Variants in SLC17A5 observed in about 807,000 individuals in gnomAD.
The protein encoded by SLC17A5 is solute carrier family 17 member 5.
A neutral mutation model predicts 59.4 loss-of-function variants in SLC17A5; 47 were observed. The ratio of observed to expected loss-of-function variants is 0.79; its 90% CI spans 0.63 to 1.01. The LOEUF (loss-of-function observed/expected upper bound fraction) is 1.01, where lower values mean the gene tolerates loss of function less well. SLC17A5 is among the 50% of genes least tolerant of loss of function. The pLI is 0.00. For synonymous variants in SLC17A5, 202 were observed against 210.7 expected, an observed-to-expected ratio of 0.96 and a Z score of 0.36; for missense variants, 522 against 595.5, an observed-to-expected ratio of 0.88 and a Z score of 1.28.
At chr6:73,597,977 A>G (rs917425227) in intron 10 of SLC17A5, among the ~76,000 whole-genome samples, 1 of 152,196 alleles carries the variant, frequency 6.6e-6, no homozygotes, top group Non-Finnish European at 1.5e-5. Flanking sequence ...ATGAAAAAAA[A>G]TCTTAGATAC....
intron 1 of SLC17A5, among the ~76,000 whole-genome samples, chr6:73,647,730 T>C (rs574209812): frequency 1.3e-5 from 2 of 152,340 alleles, no homozygotes; most frequent in African/African-American, 2.4e-5. Flanking sequence ...CTACAAGTTA[T>C]AGATCAGGCA....
Position 73,636,978 on chromosome 6 carries a change from G to T in SLC17A5, c.614-271C>A, listed in dbSNP as rs72951384. 6.7e-3 allele frequency among the ~76,000 whole-genome samples: 1,014 copies of T among 152,054 alleles called. 2 individuals carry two copies. The highest frequency in any genetic ancestry group is 0.011 in the Non-Finnish European group (778 of 67,996). On this transcript the variant is annotated intron_variant, in intron 4 of 10. Transcript: ENST00000355773. Reference sequence around the variant, plus strand: ...GCACGCCTGTAGTACCAGCTACTTAGCTACTTGGGAGGTTGAGGTGGGACG... The same window carrying T: ...GCACGCCTGTAGTACCAGCTACTTATCTACTTGGGAGGTTGAGGTGGGACG...
chr6:73,605,308 T>C (rs1418617409), intron 9 of SLC17A5, among the ~76,000 whole-genome samples: 1 of 152,174 alleles, frequency 6.6e-6, no homozygotes, highest in East Asian at 1.9e-4. Flanking sequence ...AAAGATAAAT[T>C]TTCTCATGCT....
intron 8 of SLC17A5, among the ~76,000 whole-genome samples, chr6:73,612,601 G>T (rs939893708): frequency 6.6e-6 from 1 of 152,044 alleles, no homozygotes; most frequent in African/African-American, 2.4e-5. Context: ...TAGAGATAGG[G>T]TATTGCTCTG....
At chr6:73,642,236 G>A (rs2150118814) in intron 2 of SLC17A5, among the ~76,000 whole-genome samples, 1 of 152,304 alleles carries the variant, frequency 6.6e-6, no homozygotes, top group African/African-American at 2.4e-5. Context: ...TCACAAAAAA[G>A]GCTTGGGTAT....
At chr6:73,611,862 G>T (rs1302404754) in intron 8 of SLC17A5, among the ~76,000 whole-genome samples, 1 of 151,756 alleles carries the variant, frequency 6.6e-6, no homozygotes, top group Non-Finnish European at 1.5e-5. Flanking sequence ...TTGAGACAGG[G>T]TCTCACTGTC....
At chr6:73,607,961 G>T (rs901702118) in intron 9 of SLC17A5, among the ~76,000 whole-genome samples, 1 of 151,740 alleles carries the variant, frequency 6.6e-6, no homozygotes, top group African/African-American at 2.4e-5. Flanking sequence ...ATTTTTAGTA[G>T]AGATGGGGTT....
chr6:73,637,149 A>G (rs1769051760), intron 4 of SLC17A5, among the ~76,000 whole-genome samples: 1 of 152,156 alleles, frequency 6.6e-6, no homozygotes, highest in African/African-American at 2.4e-5. Context: ...AGGTAGTATA[A>G]CAGGACAAGC....
intron 9 of SLC17A5, among the ~76,000 whole-genome samples, chr6:73,606,617 C>T (rs623310): frequency 0.11 from 16,345 of 152,102 alleles, 1,060 homozygotes; most frequent in Middle Eastern, 0.17. Context: ...GCACAGGATC[C>T]CCCTGCTGCC....
intron 7 of SLC17A5, among the ~76,000 whole-genome samples, chr6:73,619,022 C>T (rs1768010349): frequency 6.6e-6 from 1 of 152,096 alleles, no homozygotes. Context: ...CGCCCGGCCA[C>T]TGTAGGGTTA....
chr6:73,601,516 G>GC (rs1221263013), intron 9 of SLC17A5, among the ~76,000 whole-genome samples: 2 of 118,266 alleles, frequency 1.7e-5, no homozygotes, highest in Non-Finnish European at 3.6e-5. Context: ...AGGTGGGGGG[G>GC]TCAGCCCCCC....
At chr6:73,634,456 G>C (rs570370845) in intron 6 of SLC17A5, among the ~76,000 whole-genome samples, 1 of 152,222 alleles carries the variant, frequency 6.6e-6, no homozygotes, top group African/African-American at 2.4e-5. Context: ...CTGGAGTGCA[G>C]TGGCACGATC....
In SLC17A5 at chr6:73,638,694, G is replaced by A. The variant is rs1769139056; in HGVS notation, c.526-195C>T. Among the ~76,000 whole-genome samples, 3 of 152,130 alleles carry A rather than the reference G, an allele frequency of 2.0e-5. No homozygotes were observed. The South Asian group carries it at 6.2e-4, about 32-fold the overall frequency. ...AAGTACTTTCAGAATTTGAGGCTGGGTGTGGTGGCTCATGCCTGTAATCCC... is the reference window on the plus strand; with the variant it reads ...AAGTACTTTCAGAATTTGAGGCTGGATGTGGTGGCTCATGCCTGTAATCCC... On this transcript the variant is annotated intron_variant, in intron 3 of 10. Coordinates refer to ENST00000355773, the MANE Select transcript of SLC17A5 (RefSeq NM_012434.5).
intron 7 of SLC17A5, among the ~76,000 whole-genome samples, chr6:73,621,435 G>A (rs1320568325): frequency 2.0e-5 from 3 of 152,188 alleles, no homozygotes; most frequent in Non-Finnish European, 4.4e-5. Context: ...CACTACACCC[G>A]GCCTGATGTC....
intron 1 of SLC17A5, among the ~76,000 whole-genome samples, chr6:73,646,754 C>T (rs527348510): frequency 6.6e-6 from 1 of 151,982 alleles, no homozygotes; most frequent in South Asian, 2.1e-4. Flanking sequence ...CTTTCTGTAA[C>T]CTCGAACCCC....
intron 4 of SLC17A5, among the ~76,000 whole-genome samples, chr6:73,638,069 T>A (rs941538360): frequency 1.3e-4 from 19 of 151,894 alleles, no homozygotes; most frequent in African/African-American, 3.4e-4. Flanking sequence ...TTCTTTTTTT[T>A]AAATAGCATC....
intron 1 of SLC17A5, among the ~76,000 whole-genome samples, chr6:73,647,036 G>T (rs752547208): frequency 4.6e-5 from 7 of 151,918 alleles, no homozygotes; most frequent in Non-Finnish European, 8.8e-5. Flanking sequence ...TCTGGATGGG[G>T]GACTCAAAAA....
chr6:73,601,866 C>T (rs1354077771), intron 9 of SLC17A5, among the ~76,000 whole-genome samples: 2 of 146,486 alleles, frequency 1.4e-5, no homozygotes, highest in Non-Finnish European at 3.0e-5. Flanking sequence ...AGGTGAGGGG[C>T]GCCTCTGCCC....
chr6:73,629,298 G>C (rs1286604718), intron 6 of SLC17A5, among the ~76,000 whole-genome samples: 2 of 152,128 alleles, frequency 1.3e-5, no homozygotes, highest in African/African-American at 4.8e-5. Flanking sequence ...TGAGGTGGGA[G>C]GATGGCTTGA....
Sources: gnomAD v4.1 joint callset for allele counts (sites outside exome capture counted in the v4.1 genomes callset) on GRCh38, gnomAD v4.1.1 for gene constraint, MANE v1.5 for transcripts, NCBI Gene and HGNC (gene_info 2026-07-23, HGNC 2026-07-21) for gene names.